The following CACNG1 variants were observed in gnomAD, a reference collection of about 807,000 sequenced individuals.
CACNG1 encodes voltage-dependent calcium channel gamma-1 subunit.
CACNG1 carries 21 observed loss-of-function variants against 22.0 expected under a neutral mutation model. The ratio of observed to expected loss-of-function variants is 0.95; its 90% CI spans 0.68 to 1.37. The LOEUF is 1.37. Among genes scored for constraint, CACNG1 ranks in the 40% most tolerant of loss-of-function variants. CACNG1 has a pLI of 0.00. For synonymous variants in CACNG1, 127 were observed against 129.2 expected, an observed-to-expected ratio of 0.98 and a Z score of 0.12; for missense variants, 291 against 308.6, an observed-to-expected ratio of 0.94 and a Z score of 0.43.
chr17:67,048,280 G>A (rs2035708194), intron 1 of CACNG1, among the ~76,000 whole-genome samples: 1 of 145,868 alleles, frequency 6.9e-6, no homozygotes, highest in African/African-American at 2.6e-5. Flanking sequence ...AGATCAACCT[G>A]GGCAATATAG....
intron 1 of CACNG1, among the ~76,000 whole-genome samples, chr17:67,053,564 CCT>C (rs555743040): frequency 8.9e-4 from 135 of 152,340 alleles, no homozygotes; most frequent in African/African-American, 3.0e-3. Flanking sequence ...CAGGTGTACC[CCT>C]CTCACCACCA....
rs936802568 is a variant in CACNG1, at chr17:67,055,639, C to T, written c.442+399C>T. ...AACTCCTGGGTTCAAGGGTTCCTCC[C>T]GCCCCAGCCTCCTAGTAGCTGGGAC... On this transcript the variant is annotated intron_variant, in intron 3 of 3. Coordinates refer to ENST00000226021, the MANE Select transcript of CACNG1 (RefSeq NM_000727.4). The surrounding 1 kb of genome is among the most constrained non-coding windows in gnomAD (Gnocchi z 4.5). Among the ~76,000 whole-genome samples, 4 of 152,118 alleles carry T rather than the reference C, an allele frequency of 2.6e-5. No homozygotes were observed. Among genetic ancestry groups the T allele is most frequent in the Admixed American group, 6.6e-5 (1 of 15,258 alleles).
At position 67,044,577 on chromosome 17, in the gene CACNG1, C is replaced by T. The variant is rs2035683074; in HGVS notation, c.-84C>T. 12 of 866,762 alleles carry T rather than the reference C, an allele frequency of 1.4e-5. No homozygotes were observed. The highest frequency in any genetic ancestry group is 2.3e-5 in the Non-Finnish European group (12 of 533,048). 53.7% of individuals were successfully genotyped at this position (866,762 alleles called of 1,614,324 possible). A position where few individuals can be genotyped will look rare whatever the true frequency, so the allele number is the denominator to read the frequency against. ...CCACTCCCAGCTCGACAACCACTGC[C>T]ACCCCCCAAGCTCGGCTTGTCACCT... On this transcript the variant is annotated 5_prime_UTR_variant, in exon 1 of 4. Coordinates refer to ENST00000226021, the MANE Select transcript of CACNG1 (RefSeq NM_000727.4). The surrounding 1 kb of genome is among the most constrained non-coding windows in gnomAD (Gnocchi z 6.9).
chr17:67,051,864 C>T (rs1351729442), intron 1 of CACNG1, among the ~76,000 whole-genome samples: 4 of 152,242 alleles, frequency 2.6e-5, no homozygotes, highest in African/African-American at 9.6e-5. Flanking sequence ...AACAGCTGTG[C>T]CCCCAGCAAG....
chr17:67,045,528 T>A (rs539012643), intron 1 of CACNG1, among the ~76,000 whole-genome samples: 149 of 147,648 alleles, frequency 1.0e-3, no homozygotes, highest in Non-Finnish European at 1.9e-3. Flanking sequence ...CACCTTCTTT[T>A]TTTTTTTTTT....
Position 67,056,017 on chromosome 17 carries a change from C to A in CACNG1, c.443-28C>A. On this transcript the variant is annotated intron_variant, in intron 3 of 3. Coordinates refer to ENST00000226021, the MANE Select transcript of CACNG1 (RefSeq NM_000727.4). This position sits in a 1 kb window ranked among gnomAD's most constrained non-coding sequence, Gnocchi z 4.3. ...GTGGCTACGGCAGACGCCCCTCGGTCCCTGAGCATGCCTGGCTCTGCCCCC... is the reference window on the plus strand; with the variant it reads ...GTGGCTACGGCAGACGCCCCTCGGTACCTGAGCATGCCTGGCTCTGCCCCC... 2 of 1,587,386 alleles carry A rather than the reference C, an allele frequency of 1.3e-6. No individual in the cohort carries two copies. Among genetic ancestry groups the A allele is most frequent in the South Asian group, 1.1e-5 (1 of 90,426 alleles).
intron 1 of CACNG1, among the ~76,000 whole-genome samples, chr17:67,048,009 G>A (rs1194509206): frequency 6.6e-6 from 1 of 152,130 alleles, no homozygotes; most frequent in Non-Finnish European, 1.5e-5. Flanking sequence ...AGCGTTTTAG[G>A]AAATTTATAA....
rs2035755324 is a variant in CACNG1, at chr17:67,055,325, G to T, written c.442+85G>T. The stretch of plus-strand genomic sequence containing the variant: ...CGCTCCACCCTCATGCCCACCGCGA[G>T]ATTTGGGTGAGGGGCATTTCCCAGG... On this transcript the variant is annotated intron_variant, in intron 3 of 3. Coordinates refer to ENST00000226021, the MANE Select transcript of CACNG1 (RefSeq NM_000727.4). The surrounding 1 kb of genome is among the most constrained non-coding windows in gnomAD (Gnocchi z 4.5). 4.1e-6 allele frequency: 6 copies of T among 1,463,304 alleles called. No homozygotes were observed. Among genetic ancestry groups the T allele is most frequent in the Admixed American group, 1.9e-5 (1 of 51,944 alleles). The allele number at this position is 1,463,304 out of a possible 1,614,324, so 90.6% of individuals were successfully genotyped here.
At chr17:67,049,515 T>TG (rs1032811878) in intron 1 of CACNG1, among the ~76,000 whole-genome samples, 1 of 152,142 alleles carries the variant, frequency 6.6e-6, no homozygotes, top group East Asian at 1.9e-4. Flanking sequence ...ATTCTACAGG[T>TG]GGGTCTCATT....
chr17:67,051,504 G>T (rs2035728035), intron 1 of CACNG1, among the ~76,000 whole-genome samples: 1 of 152,134 alleles, frequency 6.6e-6, no homozygotes, highest in Admixed American at 6.5e-5. Flanking sequence ...AAGGGGAGAG[G>T]TCAGCCCATC....
Position 67,044,734 on chromosome 17 carries a change from C to G in CACNG1, c.74C>G (p.Thr25Arg), listed in dbSNP as rs1443585771. The G allele has an allele frequency of 6.2e-7, 1 of 1,612,804 alleles. No individual in the cohort carries two copies. Among genetic ancestry groups the G allele is most frequent in the East Asian group, 2.2e-5 (1 of 44,880 alleles). Residue 25 changes from threonine to arginine, a missense_variant, in exon 1 of 4, where the codon ACA (threonine) becomes AGA (arginine). Thr to Arg is a moderately conservative substitution (Grantham distance 71). Coordinates refer to ENST00000226021, the MANE Select transcript of CACNG1 (RefSeq NM_000727.4). The surrounding 1 kb of genome is among the most constrained non-coding windows in gnomAD (Gnocchi z 6.9). ...CTGGCAGGCATCGTGCTGGCCATGA[C>G]AGCCGTGGTAACCGACCACTGGGCT... is the stretch of plus-strand genomic sequence containing the variant. ...CILAGIVLAM[T>R]AVVTDHWAVL...
rs1015978382 is a variant in CACNG1, at chr17:67,055,747, C to T, written c.443-298C>T. ...AGACGGAGGGCTCATCACTATGTTG[C>T]CAGGCTGGTCTCAAACTCCTGGCCT... On this transcript the variant is annotated intron_variant, in intron 3 of 3. Coordinates refer to ENST00000226021, the MANE Select transcript of CACNG1 (RefSeq NM_000727.4). This position sits in a 1 kb window ranked among gnomAD's most constrained non-coding sequence, Gnocchi z 4.5. Among the ~76,000 whole-genome samples the T allele has an allele frequency of 1.3e-5, 2 of 152,042 alleles. No homozygotes were observed. The highest frequency in any genetic ancestry group is 1.9e-4 in the East Asian group (1 of 5,184).
At chr17:67,048,315 A>C (rs1048377036) in intron 1 of CACNG1, among the ~76,000 whole-genome samples, 6 of 84,932 alleles carry the variant, frequency 7.1e-5, no homozygotes, top group South Asian at 1.0e-3. Context: ...TACCAAAAAA[A>C]AAAAAAAAAA....
intron 1 of CACNG1, among the ~76,000 whole-genome samples, chr17:67,052,067 T>C (rs1400145532): frequency 6.6e-6 from 1 of 152,218 alleles, no homozygotes; most frequent in Non-Finnish European, 1.5e-5. Context: ...TGGAGACTTA[T>C]GACATAGCAT....
At chr17:67,051,863 G>GC in intron 1 of CACNG1, among the ~76,000 whole-genome samples, 1 of 152,348 alleles carries the variant, frequency 6.6e-6, no homozygotes, top group Middle Eastern at 3.4e-3. Flanking sequence ...AAACAGCTGT[G>GC]CCCCCAGCAA....
In CACNG1 at chr17:67,056,110, G is replaced by A; in HGVS notation, c.508G>A (p.Asp170Asn). The change falls in exon 4 of 4, where the codon GAC (aspartate) becomes AAC (asparagine). Residue 170 changes from aspartate (D) to asparagine (N), a missense_variant. Physicochemically the swap from Asp to Asn is conservative, Grantham distance 23. Transcript: ENST00000226021. This position sits in a 1 kb window ranked among gnomAD's most constrained non-coding sequence, Gnocchi z 4.3. ...GGTGAAGCGCATGATTGACAGTGAG[G>A]ACACCGTCTGGATCGAGTACTATTA... is the stretch of plus-strand genomic sequence containing the variant. ...QSVKRMIDSE[D>N]TVWIEYYYSW... 6.2e-7 allele frequency: 1 copy of A among 1,613,692 alleles called. No individual in the cohort carries two copies. Among genetic ancestry groups the A allele is most frequent in the African/African-American group, 1.3e-5 (1 of 74,994 alleles).
chr17:67,047,736 CA>C (rs1312135636), intron 1 of CACNG1, among the ~76,000 whole-genome samples: 2 of 151,860 alleles, frequency 1.3e-5, no homozygotes, highest in Non-Finnish European at 2.9e-5. Context: ...ACAGGCTAAC[CA>C]AAAAACTGGA....
In CACNG1 at chr17:67,054,166, C is replaced by T. The variant is rs2035744436; in HGVS notation, c.304+96C>T. On this transcript the variant is annotated intron_variant, in intron 2 of 3. Transcript: ENST00000226021. This position sits in a 1 kb window ranked among gnomAD's most constrained non-coding sequence, Gnocchi z 4.6. ...AGTCATTGGCAAAAGCACTGACTTC[C>T]TCACGCCTGATGAGAAGAAGCCTGT... The T allele has an allele frequency of 3.1e-6, 3 of 967,248 alleles. No individual in the cohort carries two copies. The highest frequency in any genetic ancestry group is 3.3e-6 in the Non-Finnish European group (2 of 597,308). The allele number at this position is 967,248 out of a possible 1,614,324, so 59.9% of individuals were successfully genotyped here. A position where few individuals can be genotyped will look rare whatever the true frequency, so the allele number is the denominator to read the frequency against.
At chr17:67,049,419 A>G (rs1455078575) in intron 1 of CACNG1, among the ~76,000 whole-genome samples, 1 of 152,236 alleles carries the variant, frequency 6.6e-6, no homozygotes, top group African/African-American at 2.4e-5. Context: ...ACTCACACTC[A>G]GACCCTAACA....
Sources: allele counts gnomAD v4.1 joint callset (sites outside exome capture counted in the v4.1 genomes callset), GRCh38; gene constraint gnomAD v4.1.1; non-coding constraint Gnocchi (gnomAD v3.1); transcripts MANE v1.5; gene names NCBI Gene and HGNC (gene_info 2026-07-23, HGNC 2026-07-21).